Variants in COL27A1 observed in about 807,000 individuals in gnomAD.
COL27A1 encodes collagen type XXVII alpha 1 chain, also known as collagen alpha-1(XXVII) chain.
A neutral mutation model predicts 251.3 loss-of-function variants in COL27A1; 106 were observed. The ratio of observed to expected loss-of-function variants is 0.42; its 90% CI spans 0.36 to 0.50. The LOEUF (loss-of-function observed/expected upper bound fraction) is 0.50. Among genes scored for constraint, COL27A1 ranks in the 20% least tolerant of loss-of-function variants. The probability of loss-of-function intolerance (pLI) is 0.00; values close to 1 mark genes in which losing one functional copy is unlikely to be tolerated. For synonymous variants in COL27A1, 1,000 were observed against 986.3 expected, an observed-to-expected ratio of 1.01 and a Z score of -0.26; for missense variants, 2,325 against 2,522.8, an observed-to-expected ratio of 0.92 and a Z score of 1.68.
At chr9:114,234,234 A>T (rs1050128231) in intron 16 of COL27A1, among the ~76,000 whole-genome samples, 5 of 118,244 alleles carry the variant, frequency 4.2e-5, no homozygotes, top group African/African-American at 1.6e-4. Context: ...AAAAAAAAAA[A>T]GTCCTGTGGT....
chr9:114,230,552 C>T (rs1234787582), intron 14 of COL27A1, among the ~76,000 whole-genome samples: 1 of 152,122 alleles, frequency 6.6e-6, no homozygotes, highest in African/African-American at 2.4e-5. Flanking sequence ...TTATAGTGTC[C>T]CACAGGGTCC....
chr9:114,264,688 G>A (rs2135593043), intron 29 of COL27A1, among the ~76,000 whole-genome samples: 1 of 152,230 alleles, frequency 6.6e-6, no homozygotes, highest in South Asian at 2.1e-4. Context: ...AGCTGAGACT[G>A]CTTCTGGCAG....
At chr9:114,236,839 A>T in intron 17 of COL27A1, 142 bp from the exon 18 acceptor site, 1 of 746,524 alleles carries the variant, frequency 1.3e-6, no homozygotes, top group Non-Finnish European at 2.3e-6. Flanking sequence ...GCCAGAGCCC[A>T]CAGCAGGGAA....
intron 4 of COL27A1, 46 bp downstream of exon 4, chr9:114,178,390 G>A (rs764408402): frequency 6.4e-7 from 1 of 1,568,958 alleles, no homozygotes; most frequent in Non-Finnish European, 8.8e-7. Flanking sequence ...TGGCTCTTTG[G>A]CCTGCGTCTC....
In COL27A1 at chr9:114,245,718, T is replaced by C. The variant is rs999718782; in HGVS notation, c.2935-148T>C. On this transcript the variant is annotated intron_variant, in intron 23 of 60. Coordinates refer to ENST00000356083, the MANE Select transcript of COL27A1 (RefSeq NM_032888.4). ...GTACCCCTTTGACTCTGCCCATTTG[T>C]TGGGGGTCTCCAAGGCCACACACTG... is the stretch of plus-strand genomic sequence containing the variant. The C allele has an allele frequency of 1.3e-4, 100 of 754,008 alleles. No individual in the cohort carries two copies. The Admixed American group carries it at 1.5e-3, about 11-fold the overall frequency. 46.7% of individuals were successfully genotyped at this position (754,008 alleles called of 1,614,324 possible). A position where few individuals can be genotyped will look rare whatever the true frequency, so the allele number is the denominator to read the frequency against.
chr9:114,235,320 G>A (rs1347669781), intron 16 of COL27A1, among the ~76,000 whole-genome samples: 1 of 152,178 alleles, frequency 6.6e-6, no homozygotes, highest in African/African-American at 2.4e-5. Flanking sequence ...TCCAGGCAAG[G>A]CCAGTTGACA....
chr9:114,167,783 T>C lies in COL27A1; in HGVS notation c.228T>C (p.Phe76=). ...TTCCTTTCCAGTCGGGCTTCATCTT[T>C]ACGCAGCGGGCCCGGCTCCAGGCTC... ...GVIPFQSGFI[F]TQRARLQAPT... Residue 76 remains phenylalanine (F), a synonymous_variant, in exon 3 of 61, where the codon TTT becomes TTC. Transcript: ENST00000356083. The C allele has an allele frequency of 6.2e-7, 1 of 1,613,652 alleles. No homozygotes were observed. Among genetic ancestry groups the C allele is most frequent in the Non-Finnish European group, 8.5e-7 (1 of 1,179,974 alleles).
chr9:114,196,213 G>A (rs1279391976), intron 7 of COL27A1, among the ~76,000 whole-genome samples: 17 of 152,206 alleles, frequency 1.1e-4, no homozygotes, highest in Admixed American at 1.1e-3. Flanking sequence ...CTCGTAGTAG[G>A]TGCCTCCCAC....
At chr9:114,237,104 C>T in intron 18 of COL27A1, 70 bp downstream of exon 18, 1 of 1,417,426 alleles carries the variant, frequency 7.1e-7, no homozygotes, top group Admixed American at 2.3e-5. Context: ...TGGCTGGGGA[C>T]ACCTTCACCT....
At chr9:114,270,909 T>C (rs1180401705) in intron 36 of COL27A1, 128 bp downstream of exon 36, 3 of 748,364 alleles carry the variant, frequency 4.0e-6, no homozygotes, top group African/African-American at 3.6e-5. Flanking sequence ...CAGCTCCCAT[T>C]GACAGCAGCT....
intron 37 of COL27A1, among the ~76,000 whole-genome samples, chr9:114,276,965 C>T (rs1835548941): frequency 6.6e-6 from 1 of 152,166 alleles, no homozygotes; most frequent in African/African-American, 2.4e-5. Flanking sequence ...AGGAAACTTC[C>T]CAGGCTCACA....
In COL27A1 at chr9:114,250,655, T is replaced by C; in HGVS notation, c.3020T>C (p.Ile1007Thr). ...GFIGLVGEPG[I>T]VGEKGDRGMM... is the part of the protein sequence containing the mutation. ...ATTGGTCTGGTCGGGGAGCCAGGAA[T>C]CGTGGGAGAAAAGGTAAGTGGTGTT... Residue 1007 changes from isoleucine (I) to threonine (T), a missense_variant, in exon 25 of 61, where the codon ATC becomes ACC. Ile to Thr is a moderately conservative substitution (Grantham distance 89). Coordinates refer to ENST00000356083, the MANE Select transcript of COL27A1 (RefSeq NM_032888.4). 1 of 1,611,964 alleles carries C rather than the reference T, an allele frequency of 6.2e-7. No individual in the cohort carries two copies. The highest frequency in any genetic ancestry group is 8.5e-7 in the Non-Finnish European group (1 of 1,178,168).
At chr9:114,226,781 G>A (rs1310736313) in intron 14 of COL27A1, among the ~76,000 whole-genome samples, 1 of 152,248 alleles carries the variant, frequency 6.6e-6, no homozygotes, top group African/African-American at 2.4e-5. Context: ...CCTCCTCAGA[G>A]CTGTGCCCTG....
At chr9:114,156,069 G>C in intron 1 of COL27A1, 57 bp downstream of exon 1, 3 of 1,293,374 alleles carry the variant, frequency 2.3e-6, no homozygotes, top group Non-Finnish European at 2.9e-6. Flanking sequence ...CAATCTCGGG[G>C]AGGGCCGGGG....
chr9:114,202,386 C>T (rs755590838), intron 7 of COL27A1, among the ~76,000 whole-genome samples: 5 of 152,150 alleles, frequency 3.3e-5, no homozygotes, highest in Non-Finnish European at 4.4e-5. Flanking sequence ...AGGTAGAATA[C>T]GGCAGAGTGA....
At chr9:114,262,909 C>G (rs1489391310) in intron 28 of COL27A1, among the ~76,000 whole-genome samples, 1 of 149,300 alleles carries the variant, frequency 6.7e-6, no homozygotes, top group Non-Finnish European at 1.5e-5. Flanking sequence ...TTTGTTGGCC[C>G]AATTATTCAT....
intron 7 of COL27A1, among the ~76,000 whole-genome samples, chr9:114,198,071 T>G (rs1829283782): frequency 6.6e-6 from 1 of 152,248 alleles, no homozygotes; most frequent in Non-Finnish European, 1.5e-5. Flanking sequence ...TTATTTCTTG[T>G]GGGAAACCTT....
At chr9:114,190,178 A>G (rs994559736) in intron 5 of COL27A1, among the ~76,000 whole-genome samples, 5 of 152,204 alleles carry the variant, frequency 3.3e-5, no homozygotes, top group Admixed American at 1.3e-4. Context: ...GAAACATTTT[A>G]TGTTGACTTC....
At chr9:114,254,657 A>G (rs78757860) in intron 27 of COL27A1, among the ~76,000 whole-genome samples, 1 of 152,250 alleles carries the variant, frequency 6.6e-6, no homozygotes, top group African/African-American at 2.4e-5. Flanking sequence ...GGGTCTGATG[A>G]GGAAGGGCCC....
Sources: allele counts gnomAD v4.1 joint callset (sites outside exome capture counted in the v4.1 genomes callset), GRCh38; gene constraint gnomAD v4.1.1; transcripts MANE v1.5; gene names NCBI Gene and HGNC (gene_info 2026-07-23, HGNC 2026-07-21).